GPC6: variants seen among roughly 807,000 people sequenced by gnomAD.
GPC6 encodes glypican 6.
A neutral mutation model predicts 55.2 loss-of-function variants in GPC6; 14 were observed. The ratio of observed to expected loss-of-function variants is 0.25; its 90% CI spans 0.17 to 0.40. The LOEUF (loss-of-function observed/expected upper bound fraction) is 0.40, where lower values mean the gene tolerates loss of function less well. Among genes scored for constraint, GPC6 ranks in the 10% least tolerant of loss-of-function variants. The pLI is 1.00. For synonymous variants in GPC6, 278 were observed against 259.6 expected (o/e 1.07, Z -0.68); for missense variants, 641 against 708.5 (o/e 0.90, Z 1.08).
intron 1 of GPC6, among the ~76,000 whole-genome samples, chr13:93,291,210 C>T (rs185683146): frequency 4.6e-5 from 7 of 152,288 alleles, no homozygotes; most frequent in Non-Finnish European, 1.0e-4. Context: ...CTCTCATCCA[C>T]ATCTTGATGG....
chr13:93,461,074 C>T (rs1336187957), intron 1 of GPC6, among the ~76,000 whole-genome samples: 1 of 152,022 alleles, frequency 6.6e-6, no homozygotes, highest in Admixed American at 6.6e-5. Flanking sequence ...GATTCAAAGC[C>T]ATATGTGTGT....
rs879597888 is a variant in GPC6 at position 94,405,915 on chromosome 13, G to T, written c.*2698G>T. The T allele has an allele frequency of 6.6e-6, 1 of 152,090 alleles. No homozygotes were observed. Among genetic ancestry groups the T allele is most frequent in the Admixed American group, 6.6e-5 (1 of 15,266 alleles). 9.4% of individuals were successfully genotyped at this position (152,090 alleles called of 1,614,324 possible). ...CATGAGAAATGTTTTGGCCCTAAAGGATTTCACTTAACCTAGTTACCCTAT... is the reference window on the plus strand; with the variant it reads ...CATGAGAAATGTTTTGGCCCTAAAGTATTTCACTTAACCTAGTTACCCTAT... On this transcript the variant is annotated 3_prime_UTR_variant, in exon 9 of 9. Coordinates refer to ENST00000377047, the MANE Select transcript of GPC6 (RefSeq NM_005708.5).
At chr13:93,880,043 A>G (rs1403188740) in intron 3 of GPC6, among the ~76,000 whole-genome samples, 1 of 151,630 alleles carries the variant, frequency 6.6e-6, no homozygotes, top group Admixed American at 6.6e-5. Context: ...TAGAATGGCA[A>G]TCGTTAAAAA....
At chr13:93,783,712 C>G (rs1048337114) in intron 2 of GPC6, among the ~76,000 whole-genome samples, 2 of 152,126 alleles carry the variant, frequency 1.3e-5, no homozygotes, top group African/African-American at 4.8e-5. Context: ...TATACTGGAA[C>G]CCCCATCTTC....
rs1348562066 is a variant in GPC6, at chr13:93,887,687, G to A, written c.711+57142G>A. Among the ~76,000 whole-genome samples, 4 of 152,012 alleles carry A rather than the reference G, an allele frequency of 2.6e-5. No individual in the cohort carries two copies. The South Asian group carries it at 6.2e-4, about 24-fold the overall frequency. Reference sequence around the variant, plus strand: ...GCCTCTGTGGGGAATTAGTGACTTCGTGCCATGATTTCTGAATCGTGATAC... The same window carrying A: ...GCCTCTGTGGGGAATTAGTGACTTCATGCCATGATTTCTGAATCGTGATAC... On this transcript the variant is annotated intron_variant, in intron 3 of 8. Transcript: ENST00000377047.
intron 4 of GPC6, among the ~76,000 whole-genome samples, chr13:94,052,409 C>A (rs966487029): frequency 1.3e-5 from 2 of 152,080 alleles, no homozygotes; most frequent in African/African-American, 4.8e-5. Flanking sequence ...AAATGCCTAA[C>A]GGTATCATTA....
chr13:94,036,177 G>C (rs1050503703), intron 4 of GPC6, among the ~76,000 whole-genome samples: 9 of 151,980 alleles, frequency 5.9e-5, no homozygotes, highest in Admixed American at 2.6e-4. Flanking sequence ...AAAACTTATG[G>C]TTGTAACTCT....
chr13:93,648,572 G>T (rs1371082110), intron 2 of GPC6, among the ~76,000 whole-genome samples: 1 of 152,188 alleles, frequency 6.6e-6, no homozygotes, highest in Non-Finnish European at 1.5e-5. Flanking sequence ...GACATTGACA[G>T]TTGTGAACTG....
At chr13:93,703,540 A>G (rs1882744841) in intron 2 of GPC6, among the ~76,000 whole-genome samples, 1 of 152,018 alleles carries the variant, frequency 6.6e-6, no homozygotes, top group Non-Finnish European at 1.5e-5. Flanking sequence ...AGTGCAATAA[A>G]GCAAAGCACA....
At chr13:93,593,985 T>A (rs1877609114) in intron 2 of GPC6, among the ~76,000 whole-genome samples, 2 of 152,188 alleles carry the variant, frequency 1.3e-5, no homozygotes, top group South Asian at 4.1e-4. Flanking sequence ...ATAGGGACAG[T>A]GGAAAATATA....
intron 2 of GPC6, among the ~76,000 whole-genome samples, chr13:93,710,800 G>T (rs1883029260): frequency 6.6e-6 from 1 of 151,056 alleles, no homozygotes; most frequent in South Asian, 2.1e-4. Context: ...CTCTAATGTT[G>T]AAAATTAAAC....
intron 4 of GPC6, among the ~76,000 whole-genome samples, chr13:94,158,716 G>A (rs9561506): frequency 1.6e-3 from 236 of 152,210 alleles, no homozygotes; most frequent in African/African-American, 4.6e-3. Context: ...TTACCACTTC[G>A]TATCTCAACT....
intron 2 of GPC6, among the ~76,000 whole-genome samples, chr13:93,601,862 A>G (rs1273483645): frequency 6.6e-6 from 1 of 152,242 alleles, no homozygotes; most frequent in African/African-American, 2.4e-5. Context: ...AGTAAACTGT[A>G]TTTTAAAAAT....
chr13:93,631,947 G>T (rs565354240), intron 2 of GPC6, among the ~76,000 whole-genome samples: 1 of 152,264 alleles, frequency 6.6e-6, no homozygotes, highest in South Asian at 2.1e-4. Flanking sequence ...TCTCTATCAT[G>T]TTATACCTCC....
At chr13:93,880,556 G>T (rs1241619205) in intron 3 of GPC6, among the ~76,000 whole-genome samples, 1 of 152,022 alleles carries the variant, frequency 6.6e-6, no homozygotes, top group African/African-American at 2.4e-5. Flanking sequence ...ACGCTCTGGG[G>T]ACTGTTGTGG....
chr13:93,908,593 A>G (rs1464348434), intron 3 of GPC6, among the ~76,000 whole-genome samples: 1 of 152,182 alleles, frequency 6.6e-6, no homozygotes, highest in African/African-American at 2.4e-5. Flanking sequence ...CTCTCCTTCT[A>G]AGACCTTGTC....
intron 1 of GPC6, among the ~76,000 whole-genome samples, chr13:93,411,432 A>G (rs1021582694): frequency 1.1e-4 from 16 of 152,192 alleles, no homozygotes; most frequent in Non-Finnish European, 1.9e-4. Context: ...GACGTGGAGC[A>G]GAGAGTGAAA....
At chr13:94,153,246 A>G (rs1887808274) in intron 4 of GPC6, among the ~76,000 whole-genome samples, 2 of 152,104 alleles carry the variant, frequency 1.3e-5, no homozygotes, top group South Asian at 4.2e-4. Flanking sequence ...GTCAGATTCC[A>G]TTCACCAGTT....
At chr13:93,402,874 A>G (rs1265308211) in intron 1 of GPC6, among the ~76,000 whole-genome samples, 1 of 152,102 alleles carries the variant, frequency 6.6e-6, no homozygotes, top group Non-Finnish European at 1.5e-5. Context: ...GTGCCTCCTC[A>G]GACACTTGGA....
Sources: gnomAD v4.1 joint callset for allele counts (sites outside exome capture counted in the v4.1 genomes callset) on GRCh38, gnomAD v4.1.1 for gene constraint, MANE v1.5 for transcripts, NCBI Gene and HGNC (gene_info 2026-07-23, HGNC 2026-07-21) for gene names.